COL14A1: variants seen among roughly 807,000 people sequenced by gnomAD.
COL14A1 encodes the protein collagen type XIV alpha 1 chain.
In COL14A1, 136 loss-of-function variants were observed where a neutral mutation model predicts 230.3. The observed-to-expected ratio is 0.59, with a 90% confidence interval of 0.51 to 0.68. COL14A1 has a LOEUF of 0.68. COL14A1 is among the 30% of genes least tolerant of loss of function. The pLI is 0.00. For synonymous variants in COL14A1, 792 were observed against 784.1 expected (o/e 1.01, Z -0.17); for missense variants, 1,976 against 2,215.8 (o/e 0.89, Z 2.17).
At chr8:120,248,281 C>G (rs1248794700) in intron 21 of COL14A1, among the ~76,000 whole-genome samples, 3 of 152,080 alleles carry the variant, frequency 2.0e-5, no homozygotes, top group Non-Finnish European at 2.9e-5. Flanking sequence ...GAGGATCCCT[C>G]TCGCCTCTAC....
intron 1 of COL14A1, among the ~76,000 whole-genome samples, chr8:120,145,364 A>G (rs1268898833): frequency 6.6e-6 from 1 of 152,220 alleles, no homozygotes; most frequent in Non-Finnish European, 1.5e-5. Context: ...CAGGCCTGTA[A>G]TCCCAGCACT....
intron 23 of COL14A1, among the ~76,000 whole-genome samples, chr8:120,255,580 T>C (rs892526615): frequency 6.6e-6 from 1 of 152,184 alleles, no homozygotes; most frequent in Non-Finnish European, 1.5e-5. Flanking sequence ...AGTATAGCCA[T>C]AGTGCTGATT....
At chr8:120,149,688 T>C (rs141920102) in intron 2 of COL14A1, among the ~76,000 whole-genome samples, 1 of 11,138 alleles carries the variant, frequency 9.0e-5, no homozygotes, top group Non-Finnish European at 2.1e-4. Flanking sequence ...TGTTTTTTCA[T>C]TTTTTTTTTT....
At chr8:120,267,861 T>C (rs1819544149) in intron 25 of COL14A1, among the ~76,000 whole-genome samples, 2 of 151,814 alleles carry the variant, frequency 1.3e-5, no homozygotes, top group African/African-American at 4.8e-5. Context: ...GAATGATAAC[T>C]TTGGTGAAAT....
intron 5 of COL14A1, among the ~76,000 whole-genome samples, chr8:120,179,544 A>G (rs1243247178): frequency 6.6e-6 from 1 of 152,212 alleles, no homozygotes; most frequent in East Asian, 1.9e-4. Context: ...AAGAGAGGAC[A>G]CAAGCAAATG....
At chr8:120,276,120 A>G (rs1226193019) in intron 26 of COL14A1, among the ~76,000 whole-genome samples, 1 of 151,110 alleles carries the variant, frequency 6.6e-6, no homozygotes, top group African/African-American at 2.4e-5. Flanking sequence ...TGTTATATAT[A>G]TATGTAAAAA....
intron 5 of COL14A1, among the ~76,000 whole-genome samples, chr8:120,173,350 T>G: frequency 6.6e-6 from 1 of 152,204 alleles, no homozygotes; most frequent in East Asian, 1.9e-4. Context: ...TTTCTTACTT[T>G]CTGGCACAAA....
intron 19 of COL14A1, among the ~76,000 whole-genome samples, chr8:120,239,564 T>G (rs1480707930): frequency 2.6e-5 from 4 of 152,218 alleles, no homozygotes; most frequent in Non-Finnish European, 5.9e-5. Flanking sequence ...GCCATTACAC[T>G]GATCTGGGAG....
At chr8:120,312,472 G>A (rs1821076753) in intron 37 of COL14A1, among the ~76,000 whole-genome samples, 1 of 152,092 alleles carries the variant, frequency 6.6e-6, no homozygotes, top group Admixed American at 6.6e-5. Flanking sequence ...TCCTTTGGCT[G>A]TTTCTATAGC....
intron 32 of COL14A1, 48 bp from the exon 33 acceptor site, chr8:120,285,813 T>A: frequency 1.6e-6 from 2 of 1,237,574 alleles, no homozygotes; most frequent in East Asian, 5.1e-5. Flanking sequence ...AAAACAAAAT[T>A]CACCTACTTT....
chr8:120,305,339 A>G (rs1267356368), intron 36 of COL14A1, among the ~76,000 whole-genome samples: 1 of 152,224 alleles, frequency 6.6e-6, no homozygotes, highest in Non-Finnish European at 1.5e-5. Flanking sequence ...ATGAACAAAA[A>G]CTAATAATTT....
chr8:120,220,849 A>T (rs1817912802), intron 14 of COL14A1, among the ~76,000 whole-genome samples: 1 of 152,154 alleles, frequency 6.6e-6, no homozygotes, highest in Admixed American at 6.5e-5. Flanking sequence ...GATGGTGATG[A>T]TTATGGTGAT....
At chr8:120,294,883 A>G (rs983213463) in intron 34 of COL14A1, among the ~76,000 whole-genome samples, 3 of 151,914 alleles carry the variant, frequency 2.0e-5, no homozygotes, top group African/African-American at 7.2e-5. Context: ...GGCTTCATTT[A>G]GCACTTAGTA....
At chr8:120,314,783 TAAAC>T in intron 38 of COL14A1, among the ~76,000 whole-genome samples, 1 of 152,356 alleles carries the variant, frequency 6.6e-6, no homozygotes, top group East Asian at 1.9e-4. Context: ...CTACTAATAA[TAAAC>T]ATTGGTTGAG....
chr8:120,285,196 G>A (rs1820155880), intron 32 of COL14A1, among the ~76,000 whole-genome samples: 1 of 151,746 alleles, frequency 6.6e-6, no homozygotes, highest in South Asian at 2.1e-4. Flanking sequence ...GCTCACGCCT[G>A]TAATCCCAGC....
chr8:120,134,926 G>T (rs1586705908), intron 1 of COL14A1, among the ~76,000 whole-genome samples: 1 of 152,322 alleles, frequency 6.6e-6, no homozygotes, highest in Middle Eastern at 3.4e-3. Flanking sequence ...AGCGAGCCAA[G>T]ATTGCACCAC....
At chr8:120,263,086 A>T in intron 24 of COL14A1, 72 bp downstream of exon 24, 1 of 1,458,408 alleles carries the variant, frequency 6.9e-7, no homozygotes, top group Non-Finnish European at 9.1e-7. Flanking sequence ...CTGTTTCCTT[A>T]TCCCATTTAG....
At chr8:120,257,143 T>C (rs1586809751) in intron 23 of COL14A1, among the ~76,000 whole-genome samples, 2 of 152,226 alleles carry the variant, frequency 1.3e-5, no homozygotes, top group African/African-American at 4.8e-5. Flanking sequence ...GAAGCCAAGA[T>C]CTTTGCTGGC....
At chr8:120,330,287 G>A (rs1821819299) in intron 40 of COL14A1, among the ~76,000 whole-genome samples, 1 of 152,126 alleles carries the variant, frequency 6.6e-6, no homozygotes, top group Non-Finnish European at 1.5e-5. Context: ...GGGCTTTGCT[G>A]ACCAGTGTTT....
Sources: allele counts gnomAD v4.1 joint callset (sites outside exome capture counted in the v4.1 genomes callset), GRCh38; gene constraint gnomAD v4.1.1; transcripts MANE v1.5; gene names NCBI Gene and HGNC (gene_info 2026-07-23, HGNC 2026-07-21).